Variants in ARHGAP15 observed in about 807,000 individuals in gnomAD.
ARHGAP15 encodes the protein rho GTPase-activating protein 15.
Under a neutral mutation model 63.7 loss-of-function variants are expected in ARHGAP15, and 51 were observed. That is an observed-to-expected ratio of 0.80 (90% confidence interval 0.64 to 1.01). The LOEUF (loss-of-function observed/expected upper bound fraction) is 1.01, where lower values mean the gene tolerates loss of function less well. Among genes scored for constraint, ARHGAP15 ranks in the 50% least tolerant of loss-of-function variants. The probability of loss-of-function intolerance (pLI) is 0.00; values close to 1 mark genes in which losing one functional copy is unlikely to be tolerated. For synonymous variants in ARHGAP15, 191 were observed against 193.8 expected, an observed-to-expected ratio of 0.99 and a Z score of 0.12; for missense variants, 560 against 564.6, an observed-to-expected ratio of 0.99 and a Z score of 0.08.
At chr2:143,153,873 T>TCCTCCTCCTCCTCC (rs1689967986) in intron 1 of ARHGAP15, among the ~76,000 whole-genome samples, 1 of 46,850 alleles carries the variant, frequency 2.1e-5, no homozygotes, top group Non-Finnish European at 4.8e-5. Context: ...CCTCCTCCTC[T>TCCTCCTCCTCCTCC]TCCTCCTCCT....
At chr2:143,490,835 C>G (rs960021022) in intron 9 of ARHGAP15, among the ~76,000 whole-genome samples, 2 of 152,042 alleles carry the variant, frequency 1.3e-5, no homozygotes, top group African/African-American at 4.8e-5. Context: ...GCCATGTTGG[C>G]CAGGCTGGTC....
At chr2:143,552,304 G>A (rs535267970) in intron 10 of ARHGAP15, among the ~76,000 whole-genome samples, 132 of 152,120 alleles carry the variant, frequency 8.7e-4, no homozygotes, top group African/African-American at 3.0e-3. Flanking sequence ...TCCATCATTC[G>A]GGCTACCAAA....
At chr2:143,341,439 G>A (rs551578724) in intron 6 of ARHGAP15, among the ~76,000 whole-genome samples, 6 of 152,092 alleles carry the variant, frequency 3.9e-5, no homozygotes, top group Non-Finnish European at 8.8e-5. Context: ...CCTCTAGGAC[G>A]AATAACACCT....
At chr2:143,253,642 T>G (rs533715997) in intron 6 of ARHGAP15, among the ~76,000 whole-genome samples, 1 of 151,700 alleles carries the variant, frequency 6.6e-6, no homozygotes, top group Non-Finnish European at 1.5e-5. Flanking sequence ...AATTGGTACT[T>G]CTTAACAATA....
At chr2:143,276,200 T>G (rs1681539825) in intron 6 of ARHGAP15, among the ~76,000 whole-genome samples, 1 of 152,258 alleles carries the variant, frequency 6.6e-6, no homozygotes, top group African/African-American at 2.4e-5. Context: ...AGACCATTTA[T>G]TCAGCCCACC....
chr2:143,295,199 C>G lies in ARHGAP15; in HGVS notation c.474+44599C>G, dbSNP rs114497319. ...AAGATAGAAAAATGCCATTTGAAAA[C>G]AAAGGGGAAAATGGAGAGAAAAGGT... On this transcript the variant is annotated intron_variant, in intron 6 of 13. Transcript: ENST00000295095. 9.5e-3 allele frequency among the ~76,000 whole-genome samples: 1,439 copies of G among 152,006 alleles called. 28 individuals carry two copies. Among genetic ancestry groups the G allele is most frequent in the African/African-American group, 0.033 (1,368 of 41,482 alleles).
chr2:143,294,065 TCTC>T (rs1392194403), intron 6 of ARHGAP15, among the ~76,000 whole-genome samples: 1 of 152,030 alleles, frequency 6.6e-6, no homozygotes, highest in East Asian at 1.9e-4. Flanking sequence ...TAAATGATCA[TCTC>T]CTCTAAGCCC....
intron 5 of ARHGAP15, among the ~76,000 whole-genome samples, chr2:143,233,473 C>T (rs1203759554): frequency 1.3e-5 from 2 of 151,982 alleles, no homozygotes; most frequent in East Asian, 1.9e-4. Context: ...GTTAATATAA[C>T]TGATCTTTTC....
chr2:143,647,912 T>C (rs768586051), intron 12 of ARHGAP15, among the ~76,000 whole-genome samples: 1 of 152,044 alleles, frequency 6.6e-6, no homozygotes, highest in Non-Finnish European at 1.5e-5. Flanking sequence ...TTCACAGACA[T>C]GCCCTCTTCA....
chr2:143,324,165 A>T (rs576955578), intron 6 of ARHGAP15, among the ~76,000 whole-genome samples: 3 of 152,300 alleles, frequency 2.0e-5, no homozygotes, highest in African/African-American at 7.2e-5. Context: ...ACCCACATAC[A>T]TAGGAACATA....
intron 10 of ARHGAP15, among the ~76,000 whole-genome samples, chr2:143,540,325 T>C (rs948429950): frequency 5.3e-5 from 8 of 152,238 alleles, no homozygotes; most frequent in African/African-American, 1.7e-4. Context: ...GTCTTGACTC[T>C]TTATCCAATT....
chr2:143,563,837 T>C (rs1371291159), intron 11 of ARHGAP15: 1 of 152,254 alleles, frequency 6.6e-6, no homozygotes, highest in East Asian at 1.9e-4. Context: ...TTCCCGGCCT[T>C]GACTGCATAT....
chr2:143,745,951 T>A (rs527420981), intron 13 of ARHGAP15, among the ~76,000 whole-genome samples: 4 of 152,300 alleles, frequency 2.6e-5, no homozygotes, highest in African/African-American at 9.6e-5. Flanking sequence ...AGTTGATCTT[T>A]CGTTCCAGTA....
chr2:143,580,491 A>G (rs759106417), intron 11 of ARHGAP15, among the ~76,000 whole-genome samples: 11 of 152,034 alleles, frequency 7.2e-5, no homozygotes, highest in Non-Finnish European at 7.4e-5. Flanking sequence ...GTGACAACAG[A>G]TTCTGTATTC....
chr2:143,228,291 T>A (rs1019975071), intron 4 of ARHGAP15: 2 of 201,574 alleles, frequency 9.9e-6, no homozygotes, highest in African/African-American at 4.6e-5. Flanking sequence ...ATGGGAAGGA[T>A]GCACATGGAT....
intron 8 of ARHGAP15, among the ~76,000 whole-genome samples, chr2:143,460,053 A>C (rs1024585436): frequency 2.0e-5 from 3 of 152,146 alleles, no homozygotes. Flanking sequence ...ATGTAAAAGA[A>C]AAATAGCAAC....
chr2:143,561,608 C>T (rs1696029097), intron 11 of ARHGAP15, among the ~76,000 whole-genome samples: 1 of 150,402 alleles, frequency 6.6e-6, no homozygotes, highest in African/African-American at 2.4e-5. Flanking sequence ...CTCCACCTCC[C>T]GGGTTCAAGC....
intron 6 of ARHGAP15, among the ~76,000 whole-genome samples, chr2:143,413,883 T>C (rs561328364): frequency 3.0e-4 from 46 of 152,050 alleles, no homozygotes; most frequent in Non-Finnish European, 5.6e-4. Context: ...ACATGTTTTC[T>C]ATGTGTTGTT....
intron 10 of ARHGAP15, among the ~76,000 whole-genome samples, chr2:143,545,546 C>T (rs1458211351): frequency 6.6e-6 from 1 of 151,860 alleles, no homozygotes; most frequent in Non-Finnish European, 1.5e-5. Context: ...TAAAAGTTGG[C>T]AAGCGTTCTC....
Sources: gnomAD v4.1 joint callset for allele counts (sites outside exome capture counted in the v4.1 genomes callset) on GRCh38, gnomAD v4.1.1 for gene constraint, MANE v1.5 for transcripts, NCBI Gene and HGNC (gene_info 2026-07-23, HGNC 2026-07-21) for gene names.